CKAP2: variants seen among roughly 807,000 people sequenced by gnomAD.
CKAP2 encodes the protein cytoskeleton-associated protein 2.
CKAP2 carries 46 observed loss-of-function variants against 58.4 expected under a neutral mutation model. The ratio of observed to expected loss-of-function variants is 0.79; its 90% CI spans 0.62 to 1.01. The LOEUF (loss-of-function observed/expected upper bound fraction) is 1.01, where lower values mean the gene tolerates loss of function less well. Among genes scored for constraint, CKAP2 ranks in the 50% least tolerant of loss-of-function variants. The pLI is 0.00. For missense variants in CKAP2, 809 were observed against 796.4 expected, an observed-to-expected ratio of 1.02 and a Z score of -0.19; for synonymous variants, 293 against 280.9, an observed-to-expected ratio of 1.04 and a Z score of -0.43.
At position 52,475,214 on chromosome 13, in the gene CKAP2, T is replaced by C. The variant is rs1370909596; in HGVS notation, c.*73T>C. On this transcript the variant is annotated 3_prime_UTR_variant, in exon 9 of 9. Coordinates refer to ENST00000258607, the MANE Select transcript of CKAP2 (RefSeq NM_018204.5). ...TGTTTTGTTTTGAGTAGCTTTATAT[T>C]GCTCTTAGGTCTGGAGTTGGCCATG... The C allele has an allele frequency of 1.3e-6, 2 of 1,549,424 alleles. No homozygotes were observed. Among genetic ancestry groups the C allele is most frequent in the African/African-American group, 1.4e-5 (1 of 72,856 alleles).
chr13:52,456,538 AACTC>A lies in CKAP2; in HGVS notation c.88_91del (p.Leu30ArgfsTer5), dbSNP rs1176230545. On this transcript the variant is annotated frameshift_variant, in exon 2 of 9. Coordinates refer to ENST00000258607, the MANE Select transcript of CKAP2 (RefSeq NM_018204.5). LOFTEE classifies it high-confidence loss of function. ...TGTTATCTAGAGCAAAGAAGACAAA[AACTC>A]AAGGAACATCTGTTGAGAAGAAAAA... 1.2e-6 allele frequency: 2 copies of A among 1,613,158 alleles called. No individual in the cohort carries two copies. The highest frequency in any genetic ancestry group is 1.7e-6 in the Non-Finnish European group (2 of 1,179,602).
Position 52,456,543 on chromosome 13 carries a change from A to G in CKAP2, c.91A>G (p.Lys31Glu), listed in dbSNP as rs778975790. 6.8e-5 allele frequency: 109 copies of G among 1,613,440 alleles called. No individual in the cohort carries two copies. The highest frequency in any genetic ancestry group is 8.7e-5 in the Non-Finnish European group (103 of 1,179,752). Reference sequence around the variant, plus strand: ...TCTAGAGCAAAGAAGACAAAAACTCAAGGAACATCTGTTGAGAAGAAAAAC... The same window carrying G: ...TCTAGAGCAAAGAAGACAAAAACTCGAGGAACATCTGTTGAGAAGAAAAAC... ...AFKEQRRQKL[K>E]EHLLRRKTLF... is the part of the protein sequence containing the mutation. The change falls in exon 2 of 9, where the codon AAG (lysine) becomes GAG (glutamate). Residue 31 changes from lysine (K) to glutamate (E), a missense_variant. Physicochemically the swap from Lys to Glu is moderately conservative, Grantham distance 56. Around this residue, in one of 3 missense-constraint regions of CKAP2, gnomAD observed 523 missense variants for 492.4 expected, o/e 1.06. Transcript: ENST00000258607.
rs377210895 is a variant in CKAP2, at chr13:52,455,627, G to A, written c.70+1G>A. On this transcript the variant is annotated splice_donor_variant, in intron 1 of 8. Transcript: ENST00000258607. LOFTEE classifies it high-confidence loss of function. Reference sequence around the variant, plus strand: ...CAGAGGGCGCAGTCCGCATTCAAAGGTGAAGGCCGCGGTGGCGGTGGCGGT... The same window carrying A: ...CAGAGGGCGCAGTCCGCATTCAAAGATGAAGGCCGCGGTGGCGGTGGCGGT... 3.1e-6 allele frequency: 5 copies of A among 1,595,724 alleles called. No homozygotes were observed. The highest frequency in any genetic ancestry group is 4.3e-6 in the Non-Finnish European group (5 of 1,173,342).
chr13:52,473,197 C>T (rs1401447717), intron 7 of CKAP2, among the ~76,000 whole-genome samples: 1 of 152,084 alleles, frequency 6.6e-6, no homozygotes. Flanking sequence ...CCATTCTAGA[C>T]AGTCCTTTAC....
intron 2 of CKAP2, among the ~76,000 whole-genome samples, chr13:52,457,771 T>A (rs907535493): frequency 6.6e-6 from 1 of 152,140 alleles, no homozygotes; most frequent in Non-Finnish European, 1.5e-5. Flanking sequence ...GGAGAATCGC[T>A]TGAACCTGGG....
chr13:52,455,766 G>C, intron 1 of CKAP2, 140 bp downstream of exon 1: 2 of 1,037,908 alleles, frequency 1.9e-6, no homozygotes, highest in Non-Finnish European at 2.6e-6. Context: ...CGTCGGCCTC[G>C]CCCTGCCTCA....
rs1332837569 is a variant in CKAP2, at chr13:52,475,864, C to T, written c.*723C>T. 6.6e-6 allele frequency: 1 copy of T among 152,136 alleles called. No homozygotes were observed. The highest frequency in any genetic ancestry group is 2.1e-4 in the South Asian group (1 of 4,822). The allele number at this position is 152,136 out of a possible 1,614,324, so 9.4% of individuals were successfully genotyped here. A position where few individuals can be genotyped will look rare whatever the true frequency, so the allele number is the denominator to read the frequency against. On this transcript the variant is annotated 3_prime_UTR_variant, in exon 9 of 9. Transcript: ENST00000258607. ...AGATACTTTGTGTAAGAAAAGATGCCACATTTAGTGGTTTAACTTTTGTAA... is the reference window on the plus strand; with the variant it reads ...AGATACTTTGTGTAAGAAAAGATGCTACATTTAGTGGTTTAACTTTTGTAA...
At position 52,461,667 on chromosome 13, in the gene CKAP2, C is replaced by CGGAAA; in HGVS notation, c.844_848dup (p.Pro284LysfsTer26). On this transcript the variant is annotated frameshift_variant, in exon 4 of 9. Coordinates refer to ENST00000258607, the MANE Select transcript of CKAP2 (RefSeq NM_018204.5). LOFTEE classifies it high-confidence loss of function. ...TAGAACTTCTGCCAATGTTACAATC[C>CGGAAA]GGAAAGGGCCTCATGAAAAAGAACT... The CGGAAA allele has an allele frequency of 6.2e-7, 1 of 1,614,038 alleles. No individual in the cohort carries two copies. Among genetic ancestry groups the CGGAAA allele is most frequent in the Non-Finnish European group, 8.5e-7 (1 of 1,180,010 alleles).
At chr13:52,467,471 C>T (rs917816612) in intron 6 of CKAP2, among the ~76,000 whole-genome samples, 4 of 152,096 alleles carry the variant, frequency 2.6e-5, no homozygotes, top group Admixed American at 1.3e-4. Flanking sequence ...AATCCCAGCA[C>T]TTTGGGAGGC....
In CKAP2 at chr13:52,461,724, A is replaced by G. The variant is rs760702041; in HGVS notation, c.898A>G (p.Lys300Glu). Residue 300 changes from lysine to glutamate, a missense_variant, in exon 4 of 9, where the codon AAA (lysine) becomes GAA (glutamate). Around this residue, in one of 3 missense-constraint regions of CKAP2, gnomAD observed 523 missense variants for 492.4 expected, o/e 1.06. Transcript: ENST00000258607. Reference protein sequence around the residue: ...LQSKTALSSVKTSSSQGIIRN... With the variant: ...LQSKTALSSVETSSSQGIIRN... ...ATCAAAAACAGCTTTATCTAGTGTC[A>G]AAACCAGTTCTTCTCAAGGTATAAT... The G allele has an allele frequency of 6.2e-7, 1 of 1,613,894 alleles. No homozygotes were observed. Among genetic ancestry groups the G allele is most frequent in the South Asian group, 1.1e-5 (1 of 91,036 alleles).
chr13:52,467,821 T>G (rs946320279), intron 6 of CKAP2, among the ~76,000 whole-genome samples: 10 of 151,898 alleles, frequency 6.6e-5, no homozygotes, highest in South Asian at 6.2e-4. Flanking sequence ...TTTTGTTTTT[T>G]TTTTTTGAGA....
chr13:52,472,221 A>T (rs552866022), intron 7 of CKAP2, among the ~76,000 whole-genome samples: 35 of 152,004 alleles, frequency 2.3e-4, no homozygotes, highest in African/African-American at 8.0e-4. Flanking sequence ...TCCCTATGCA[A>T]TATTTGATGC....
chr13:52,458,017 C>A (rs1027506272), intron 2 of CKAP2, among the ~76,000 whole-genome samples: 1 of 152,096 alleles, frequency 6.6e-6, no homozygotes, highest in Non-Finnish European at 1.5e-5. Flanking sequence ...ATTTTTGCAA[C>A]TTTGTGTAAG....
At chr13:52,459,895 T>C (rs7336053) in intron 2 of CKAP2, among the ~76,000 whole-genome samples, 152,134 of 152,240 alleles carry the variant, frequency 1, 76,014 homozygotes, top group Middle Eastern at 1. Context: ...GATGATCTCA[T>C]TCTGTGTCAC....
chr13:52,475,114 G>A lies in CKAP2; in HGVS notation c.2022G>A (p.Arg674=). 1.2e-6 allele frequency: 2 copies of A among 1,614,134 alleles called. No homozygotes were observed. Among genetic ancestry groups the A allele is most frequent in the Non-Finnish European group, 1.7e-6 (2 of 1,180,030 alleles). The change falls in exon 9 of 9, where the codon CGG becomes CGA. Residue 674 remains arginine (R), a synonymous_variant. Coordinates refer to ENST00000258607, the MANE Select transcript of CKAP2 (RefSeq NM_018204.5). ...FVCRPNAALC[R]VYYEADTT ...GCCGCCCTAATGCAGCACTGTGCCGGGTGTACTATGAGGCTGATACAACAT... is the reference window on the plus strand; with the variant it reads ...GCCGCCCTAATGCAGCACTGTGCCGAGTGTACTATGAGGCTGATACAACAT...
chr13:52,465,855 T>C, intron 6 of CKAP2: 1 of 373,696 alleles, frequency 2.7e-6, no homozygotes, highest in South Asian at 2.1e-5. Context: ...CAAGCTCTCT[T>C]GGTTTTGTGT....
intron 5 of CKAP2, among the ~76,000 whole-genome samples, 172 bp from the exon 6 acceptor site, chr13:52,465,123 C>T (rs116659060): frequency 0.04 from 6,039 of 152,200 alleles, 138 homozygotes; most frequent in South Asian, 0.071. Context: ...AGGATAAAAT[C>T]AAGATCAAAT....
chr13:52,464,449 A>G (rs1594138175), intron 5 of CKAP2, among the ~76,000 whole-genome samples: 1 of 151,496 alleles, frequency 6.6e-6, no homozygotes, highest in Middle Eastern at 3.4e-3. Flanking sequence ...GCTACTCAGA[A>G]GGCTGAGGCT....
intron 6 of CKAP2, chr13:52,465,948 T>TATATATACAC: frequency 7.0e-5 from 11 of 157,590 alleles, no homozygotes; most frequent in East Asian, 1.7e-4. Context: ...TATATACACA[T>TATATATACAC]ATATATGCAC....
Sources: allele counts gnomAD v4.1 joint callset (sites outside exome capture counted in the v4.1 genomes callset), GRCh38; gene constraint gnomAD v4.1.1; regional missense constraint gnomAD v4.1.1; transcripts MANE v1.5; gene names NCBI Gene and HGNC (gene_info 2026-07-23, HGNC 2026-07-21).